PRKAG1: variants seen among roughly 807,000 people sequenced by gnomAD.
PRKAG1 encodes the protein 5'-AMP-activated protein kinase subunit gamma-1.
Under a neutral mutation model 48.2 loss-of-function variants are expected in PRKAG1, and 27 were observed. The observed-to-expected ratio is 0.56, with a 90% CI of 0.41 to 0.77. The LOEUF is 0.77. PRKAG1 is among the 30% of genes least tolerant of loss of function. The pLI is 0.00. For missense variants in PRKAG1, 287 were observed against 398.3 expected, an observed-to-expected ratio of 0.72 and a Z score of 2.38; for synonymous variants, 130 against 147.7, an observed-to-expected ratio of 0.88 and a Z score of 0.87.
chr12:49,018,532 G>A (rs1431523384), intron 1 of PRKAG1, 200 bp downstream of exon 1: 14 of 1,437,114 alleles, frequency 9.7e-6, no homozygotes, highest in African/African-American at 4.4e-5. Flanking sequence ...ACGGAAAGGC[G>A]GCGGGGACGC....
At chr12:49,016,381 T>A (rs1350705972) in intron 1 of PRKAG1, among the ~76,000 whole-genome samples, 1 of 152,270 alleles carries the variant, frequency 6.6e-6, no homozygotes, top group Non-Finnish European at 1.5e-5. Context: ...TCCAATTATT[T>A]GTTTGACAAC....
At chr12:49,007,286 CAAAAAAA>C (rs143240191) in intron 2 of PRKAG1, among the ~76,000 whole-genome samples, 1 of 112,192 alleles carries the variant, frequency 8.9e-6, no homozygotes. Context: ...GACTCCGTCT[CAAAAAAA>C]AAAAAAAAAA....
rs779113670 is a variant in PRKAG1 at position 49,005,047 on chromosome 12, T to C, written c.356-29A>G. ...AAGGGAAAAGGGATGGGTCACAAAA[T>C]ACCACCATGGAAAAGTGTTTCCCAG... On this transcript the variant is annotated intron_variant, in intron 6 of 11. Coordinates refer to ENST00000548065, the MANE Select transcript of PRKAG1 (RefSeq NM_002733.5). The surrounding 1 kb of genome is among the most constrained non-coding windows in gnomAD (Gnocchi z 4.1). 7.4e-6 allele frequency: 12 copies of C among 1,613,510 alleles called. No homozygotes were observed. The African/African-American group carries it at 1.3e-4, about 18-fold the overall frequency.
intron 2 of PRKAG1, 85 bp downstream of exon 2, chr12:49,012,977 G>A: frequency 7.3e-7 from 1 of 1,362,934 alleles, no homozygotes. Context: ...TTTTTCCAGG[G>A]GAGAGATTCA....
intron 2 of PRKAG1, chr12:49,012,829 T>G (rs2137676572): frequency 3.9e-6 from 2 of 517,892 alleles, no homozygotes; most frequent in Middle Eastern, 1.0e-3. Context: ...TGCCTGTACC[T>G]CAGATGTTTC....
chr12:49,003,829 T>G lies in PRKAG1; in HGVS notation c.631A>C (p.Thr211Pro), dbSNP rs1592270487. 2 of 1,613,696 alleles carry G rather than the reference T, an allele frequency of 1.2e-6. No homozygotes were observed. Among genetic ancestry groups the G allele is most frequent in the Non-Finnish European group, 1.7e-6 (2 of 1,179,920 alleles). ...ATCCCCAGAGCCACATAGACGGGGG[T>G]GGTAGTGCGAACCATAGCAATATTG... ...YANIAMVRTT[T>P]PVYVALGIFV... Residue 211 changes from threonine to proline, a missense_variant, in exon 9 of 12, where the codon ACC becomes CCC. Coordinates refer to ENST00000548065, the MANE Select transcript of PRKAG1 (RefSeq NM_002733.5).
chr12:49,004,198 C>T (rs765234015), intron 8 of PRKAG1: 77 of 516,012 alleles, frequency 1.5e-4, no homozygotes, highest in Non-Finnish European at 2.5e-4. Flanking sequence ...GGGTTGAGGT[C>T]GGGGGTCACC....
chr12:49,004,473 AAG>A (rs1264057196), intron 8 of PRKAG1, 32 bp downstream of exon 8: 7 of 1,604,800 alleles, frequency 4.4e-6, no homozygotes, highest in South Asian at 2.2e-5. Flanking sequence ...TCAATGAAAA[AAG>A]AGAAAAAAGA....
At position 49,002,346 on chromosome 12, in the gene PRKAG1, C is replaced by A. The variant is rs201185001; in HGVS notation, c.*553G>T. The A allele has an allele frequency of 3.7e-4, 69 of 187,144 alleles. No homozygotes were observed. The highest frequency in any genetic ancestry group is 1.5e-3 in the African/African-American group (65 of 42,224). 11.6% of individuals were successfully genotyped at this position (187,144 alleles called of 1,614,324 possible). A position where few individuals can be genotyped will look rare whatever the true frequency, so the allele number is the denominator to read the frequency against. On this transcript the variant is annotated 3_prime_UTR_variant, in exon 12 of 12. Transcript: ENST00000548065. Reference sequence around the variant, plus strand: ...TAACCTTAGCTAACCACGCTGCTCTCCTCCTCCACCTAACCCCCATCTCCC... The same window carrying A: ...TAACCTTAGCTAACCACGCTGCTCTACTCCTCCACCTAACCCCCATCTCCC...
At chr12:49,015,993 T>C (rs2137685023) in intron 1 of PRKAG1, among the ~76,000 whole-genome samples, 1 of 151,462 alleles carries the variant, frequency 6.6e-6, no homozygotes, top group Admixed American at 6.6e-5. Flanking sequence ...TCATTCAGGC[T>C]GGAGTGCAGC....
At chr12:49,004,859 G>GTC (rs1451583909) in intron 7 of PRKAG1, 105 bp downstream of exon 7, 1 of 1,046,990 alleles carries the variant, frequency 9.6e-7, no homozygotes, top group Non-Finnish European at 1.4e-6. Context: ...GTGTGTGTGT[G>GTC]TGTCTTTTCT....
chr12:49,018,542 C>T, intron 1 of PRKAG1, 190 bp downstream of exon 1: 1 of 1,445,990 alleles, frequency 6.9e-7, no homozygotes, highest in South Asian at 1.4e-5. Flanking sequence ...GGCGGGGACG[C>T]GGCCCAGTTC....
At chr12:49,004,681 G>T in intron 7 of PRKAG1, 48 bp from the exon 8 acceptor site, 1 of 1,613,072 alleles carries the variant, frequency 6.2e-7, no homozygotes, top group Non-Finnish European at 8.5e-7. Context: ...GGGGCTGGGG[G>T]TGATTAAACA....
At chr12:49,018,506 G>A (rs780034927) in intron 1 of PRKAG1, 8 of 1,417,724 alleles carry the variant, frequency 5.6e-6, no homozygotes, top group Non-Finnish European at 7.3e-6. Flanking sequence ...GCCTGCTTGG[G>A]CTAAGGGTAC....
intron 1 of PRKAG1, chr12:49,018,299 G>A (rs749997246): frequency 7.5e-5 from 20 of 267,578 alleles, no homozygotes; most frequent in Middle Eastern, 4.3e-4. Flanking sequence ...GGGATTGCAG[G>A]GATCACAGAA....
At chr12:49,010,249 T>C (rs751002039) in intron 2 of PRKAG1, among the ~76,000 whole-genome samples, 24 of 151,992 alleles carry the variant, frequency 1.6e-4, no homozygotes, top group Non-Finnish European at 2.9e-4. Context: ...AACTTAAGAG[T>C]GGAGGCTTTA....
chr12:49,018,458 G>T (rs1268871909), intron 1 of PRKAG1: 19 of 1,334,636 alleles, frequency 1.4e-5, no homozygotes, highest in Non-Finnish European at 1.8e-5. Context: ...AGATTGCCAC[G>T]GCATACGTGG....
At chr12:49,015,905 A>AT (rs1307422241) in intron 1 of PRKAG1, among the ~76,000 whole-genome samples, 3 of 149,232 alleles carry the variant, frequency 2.0e-5, no homozygotes, top group African/African-American at 7.4e-5. Flanking sequence ...CTGTTTCACC[A>AT]TATCAGAGGG....
At chr12:49,014,542 C>T (rs1298848346) in intron 1 of PRKAG1, among the ~76,000 whole-genome samples, 1 of 152,238 alleles carries the variant, frequency 6.6e-6, no homozygotes, top group African/African-American at 2.4e-5. Context: ...ACACTGGTTC[C>T]ACCATTGTCT....
Sources: allele counts gnomAD v4.1 joint callset (sites outside exome capture counted in the v4.1 genomes callset), GRCh38; gene constraint gnomAD v4.1.1; non-coding constraint Gnocchi (gnomAD v3.1); transcripts MANE v1.5; gene names NCBI Gene and HGNC (gene_info 2026-07-23, HGNC 2026-07-21).